MOXD1: variants seen among roughly 807,000 people sequenced by gnomAD.
MOXD1 encodes the protein monooxygenase DBH like 1, also known as DBH-like monooxygenase protein 1.
Under a neutral mutation model 66.6 loss-of-function variants are expected in MOXD1, and 62 were observed. The ratio of observed to expected loss-of-function variants is 0.93; its 90% CI spans 0.76 to 1.15. The LOEUF is 1.15. MOXD1 is among the 50% of genes most tolerant of loss of function. The pLI, the probability that MOXD1 is intolerant of heterozygous loss-of-function variation, is 0.00. For missense variants in MOXD1, 847 were observed against 754.6 expected, an observed-to-expected ratio of 1.12 and a Z score of -1.44; for synonymous variants, 303 against 281.9, an observed-to-expected ratio of 1.07 and a Z score of -0.75.
chr6:132,297,077 G>T lies in MOXD1; in HGVS notation c.*76C>A. 6.8e-7 allele frequency: 1 copy of T among 1,470,218 alleles called. No homozygotes were observed. The highest frequency in any genetic ancestry group is 1.4e-5 in the African/African-American group (1 of 71,018). 91.1% of individuals were successfully genotyped at this position (1,470,218 alleles called of 1,614,324 possible). A position where few individuals can be genotyped will look rare whatever the true frequency, so the allele number is the denominator to read the frequency against. On this transcript the variant is annotated 3_prime_UTR_variant, in exon 12 of 12. Coordinates refer to ENST00000367963, the MANE Select transcript of MOXD1 (RefSeq NM_015529.4). ...CTCCACACTCTTCATGCCCAAAGTGGACACAGTCTTTAACCTGTACTTCAA... is the reference window on the plus strand; with the variant it reads ...CTCCACACTCTTCATGCCCAAAGTGTACACAGTCTTTAACCTGTACTTCAA...
intron 4 of MOXD1, among the ~76,000 whole-genome samples, chr6:132,365,482 A>G (rs116065524): frequency 6.6e-6 from 1 of 152,208 alleles, no homozygotes; most frequent in Non-Finnish European, 1.5e-5. Context: ...CAAATCACAG[A>G]TATTTAGAAG....
At position 132,296,688 on chromosome 6, in the gene MOXD1, G is replaced by C. The variant is rs1011485366; in HGVS notation, c.*465C>G. ...AATATTAAAGTCAGGAAGAATGGCT[G>C]TTACACTTGAAAAGTCACACTAGAA... On this transcript the variant is annotated 3_prime_UTR_variant, in exon 12 of 12. Transcript: ENST00000367963. 1 of 152,744 alleles carries C rather than the reference G, an allele frequency of 6.5e-6. No individual in the cohort carries two copies. Among genetic ancestry groups the C allele is most frequent in the African/African-American group, 2.4e-5 (1 of 41,430 alleles). The allele number at this position is 152,744 out of a possible 1,614,324, so 9.5% of individuals were successfully genotyped here.
Position 132,383,229 on chromosome 6 carries a change from T to G in MOXD1, c.265-8452A>C, listed in dbSNP as rs1776546547. On this transcript the variant is annotated intron_variant, in intron 1 of 11. Transcript: ENST00000367963. Reference sequence around the variant, plus strand: ...TGATAGTATAATAATAAATATTTTGTGTTAAAGGGAATCTTTGATCCTAAA... The same window carrying G: ...TGATAGTATAATAATAAATATTTTGGGTTAAAGGGAATCTTTGATCCTAAA... Among the ~76,000 whole-genome samples, 4 of 152,218 alleles carry G rather than the reference T, an allele frequency of 2.6e-5. No homozygotes were observed. The South Asian group carries it at 8.3e-4, about 31-fold the overall frequency.
intron 5 of MOXD1, 123 bp from the exon 6 acceptor site, chr6:132,328,238 A>G: frequency 2.5e-6 from 3 of 1,195,186 alleles, no homozygotes; most frequent in Non-Finnish European, 3.5e-6. Flanking sequence ...TCTACAATTG[A>G]TGAAATAAAA....
At chr6:132,353,291 G>T (rs914513557) in intron 4 of MOXD1, among the ~76,000 whole-genome samples, 5 of 152,112 alleles carry the variant, frequency 3.3e-5, no homozygotes, top group African/African-American at 1.2e-4. Flanking sequence ...GTTCTGTTTT[G>T]ATGTGTTTCT....
At chr6:132,317,261 C>A (rs935053151) in intron 9 of MOXD1, among the ~76,000 whole-genome samples, 1 of 152,082 alleles carries the variant, frequency 6.6e-6, no homozygotes, top group Non-Finnish European at 1.5e-5. Context: ...AACCTAGGGG[C>A]TAATATACAA....
intron 4 of MOXD1, among the ~76,000 whole-genome samples, chr6:132,357,407 C>CA (rs1775929075): frequency 6.6e-6 from 1 of 151,978 alleles, no homozygotes; most frequent in African/African-American, 2.4e-5. Flanking sequence ...CAAACACTTA[C>CA]AATAAGAGTT....
intron 1 of MOXD1, among the ~76,000 whole-genome samples, chr6:132,399,801 T>A (rs1177375501): frequency 6.6e-6 from 1 of 152,198 alleles, no homozygotes; most frequent in Non-Finnish European, 1.5e-5. Context: ...TAAATAGGTA[T>A]TTAAATAAGG....
At chr6:132,342,512 G>A (rs1426808742) in intron 4 of MOXD1, among the ~76,000 whole-genome samples, 2 of 152,128 alleles carry the variant, frequency 1.3e-5, no homozygotes, top group African/African-American at 4.8e-5. Context: ...TTCATTACAT[G>A]GGGCTGACTT....
chr6:132,378,731 T>C (rs1215636855), intron 1 of MOXD1, among the ~76,000 whole-genome samples: 13 of 152,084 alleles, frequency 8.5e-5, no homozygotes, highest in Non-Finnish European at 1.3e-4. Context: ...AATAGCTTTA[T>C]AATCTACTCA....
intron 4 of MOXD1, among the ~76,000 whole-genome samples, chr6:132,350,298 TG>T (rs1430691438): frequency 6.6e-6 from 1 of 152,240 alleles, no homozygotes; most frequent in African/African-American, 2.4e-5. Context: ...AATTAATTTT[TG>T]TATAAGGTGA....
intron 7 of MOXD1, among the ~76,000 whole-genome samples, chr6:132,323,195 A>G (rs570138835): frequency 6.6e-6 from 1 of 152,334 alleles, no homozygotes; most frequent in Admixed American, 6.5e-5. Flanking sequence ...GTAACCTGAA[A>G]ACCCAAATTC....
chr6:132,335,321 C>T lies in MOXD1; in HGVS notation c.664-6727G>A, dbSNP rs148133703. On this transcript the variant is annotated intron_variant, in intron 4 of 11. Coordinates refer to ENST00000367963, the MANE Select transcript of MOXD1 (RefSeq NM_015529.4). ...TATTTCCCTGTGCTGGGTTGAACAG[C>T]GTCTCCTGAAAATTCATGTTTACCT... 2.3e-3 allele frequency among the ~76,000 whole-genome samples: 356 copies of T among 151,678 alleles called. 2 individuals are homozygous for T. The highest frequency in any genetic ancestry group is 8.0e-3 in the African/African-American group (331 of 41,328).
intron 6 of MOXD1, among the ~76,000 whole-genome samples, chr6:132,326,629 C>T (rs9483435): frequency 0.053 from 8,037 of 152,014 alleles, 411 homozygotes; most frequent in African/African-American, 0.13. Flanking sequence ...TATGATTTCA[C>T]GGAAAATCTA....
At chr6:132,395,163 GA>G (rs549569359) in intron 1 of MOXD1, among the ~76,000 whole-genome samples, 1 of 151,518 alleles carries the variant, frequency 6.6e-6, no homozygotes, top group African/African-American at 2.4e-5. Context: ...ATGCTGAAAG[GA>G]AAAAAAACTG....
intron 8 of MOXD1, among the ~76,000 whole-genome samples, chr6:132,321,321 C>G (rs1775074393): frequency 6.6e-6 from 1 of 151,604 alleles, no homozygotes; most frequent in Non-Finnish European, 1.5e-5. Context: ...AATGACATAA[C>G]ACATAGGCAT....
intron 4 of MOXD1, among the ~76,000 whole-genome samples, chr6:132,328,946 T>G (rs534917785): frequency 6.6e-6 from 1 of 152,140 alleles, no homozygotes; most frequent in Non-Finnish European, 1.5e-5. Flanking sequence ...CTCTTCCTCC[T>G]CCTGCCTCTC....
At chr6:132,326,395 G>A (rs961633395) in intron 6 of MOXD1, among the ~76,000 whole-genome samples, 4 of 151,700 alleles carry the variant, frequency 2.6e-5, no homozygotes, top group African/African-American at 7.3e-5. Flanking sequence ...CAACAGAGAA[G>A]GCAAATAAAT....
At chr6:132,331,903 G>A (rs574835784) in intron 4 of MOXD1, among the ~76,000 whole-genome samples, 11 of 152,186 alleles carry the variant, frequency 7.2e-5, no homozygotes, top group Admixed American at 1.3e-4. Context: ...GCAAGTTGCC[G>A]ACAGCTGTCA....
Sources: gnomAD v4.1 joint callset for allele counts (sites outside exome capture counted in the v4.1 genomes callset) on GRCh38, gnomAD v4.1.1 for gene constraint, MANE v1.5 for transcripts, NCBI Gene and HGNC (gene_info 2026-07-23, HGNC 2026-07-21) for gene names.